NIPAL3: variants seen among roughly 807,000 people sequenced by gnomAD.
NIPAL3 encodes NIPA like domain containing 3, also known as NIPA-like protein 3.
A neutral mutation model predicts 47.2 loss-of-function variants in NIPAL3; 41 were observed. The ratio of observed to expected loss-of-function variants is 0.87; its 90% CI spans 0.68 to 1.13. The LOEUF (loss-of-function observed/expected upper bound fraction) is 1.13. Ranked by LOEUF, NIPAL3 falls within the 50% of genes most tolerant of loss-of-function variation. The probability of loss-of-function intolerance (pLI) is 0.00; values close to 1 mark genes in which losing one functional copy is unlikely to be tolerated. For missense variants in NIPAL3, 449 were observed against 530.1 expected (o/e 0.85, Z 1.50); for synonymous variants, 194 against 209.6 (o/e 0.93, Z 0.64).
intron 5 of NIPAL3, among the ~76,000 whole-genome samples, chr1:24,448,165 T>C (rs1448583427): frequency 6.6e-6 from 1 of 152,262 alleles, no homozygotes; most frequent in Non-Finnish European, 1.5e-5. Flanking sequence ...TAACATGGTA[T>C]CACATTTTCT....
intron 4 of NIPAL3, among the ~76,000 whole-genome samples, chr1:24,444,345 G>A (rs1645547427): frequency 6.6e-6 from 1 of 152,076 alleles, no homozygotes; most frequent in Non-Finnish European, 1.5e-5. Flanking sequence ...AAGAAGAGGA[G>A]ATGGAGGGAT....
chr1:24,439,788 G>T (rs1490655066), intron 2 of NIPAL3, among the ~76,000 whole-genome samples: 4 of 152,188 alleles, frequency 2.6e-5, no homozygotes, highest in Admixed American at 2.6e-4. Context: ...CTGGGAAATT[G>T]AAGACACTAT....
intron 2 of NIPAL3, among the ~76,000 whole-genome samples, chr1:24,438,264 G>A (rs7542174): frequency 0.28 from 41,891 of 152,110 alleles, 5,956 homozygotes; most frequent in East Asian, 0.45. Context: ...GGGTGAGTCA[G>A]AATCAGTTCC....
intron 7 of NIPAL3, among the ~76,000 whole-genome samples, chr1:24,455,796 C>T (rs115027442): frequency 0.01 from 1,563 of 152,346 alleles, 26 homozygotes; most frequent in African/African-American, 0.036. Flanking sequence ...TTGATCCACT[C>T]GGATCCTTTT....
chr1:24,464,132 G>A lies in NIPAL3; in HGVS notation c.1021+12G>A, dbSNP rs780333764. On this transcript the variant is annotated intron_variant, in intron 11 of 11. Transcript: ENST00000374399. Reference sequence around the variant, plus strand: ...GGATGCCATGCCAGGTAAGGTTAAAGCCCCGTGGGTCTAGCTGAACATCCA... The same window carrying A: ...GGATGCCATGCCAGGTAAGGTTAAAACCCCGTGGGTCTAGCTGAACATCCA... 1.2e-6 allele frequency: 2 copies of A among 1,606,948 alleles called. No individual in the cohort carries two copies. Among genetic ancestry groups the A allele is most frequent in the Non-Finnish European group, 1.7e-6 (2 of 1,174,268 alleles).
At chr1:24,468,846 A>G in intron 11 of NIPAL3, 140 bp from the exon 12 acceptor site, 1 of 764,446 alleles carries the variant, frequency 1.3e-6, no homozygotes, top group Non-Finnish European at 2.2e-6. Context: ...TCTCTTTTAA[A>G]TCTAAAGCAT....
chr1:24,452,708 CTTTA>C (rs1224592756), intron 6 of NIPAL3, among the ~76,000 whole-genome samples: 4 of 152,136 alleles, frequency 2.6e-5, no homozygotes, highest in Non-Finnish European at 4.4e-5. Context: ...TACTCATATT[CTTTA>C]TTTATGTATT....
intron 2 of NIPAL3, among the ~76,000 whole-genome samples, chr1:24,421,377 A>G (rs1046416996): frequency 2.6e-5 from 4 of 152,128 alleles, no homozygotes; most frequent in African/African-American, 9.7e-5. Context: ...AAAAAAGATC[A>G]GTGACTGCTA....
intron 2 of NIPAL3, among the ~76,000 whole-genome samples, chr1:24,437,194 G>A (rs1284753137): frequency 6.6e-6 from 1 of 152,126 alleles, no homozygotes; most frequent in Non-Finnish European, 1.5e-5. Flanking sequence ...GGAGTTTGCA[G>A]TGAGCCGAGA....
Position 24,416,376 on chromosome 1 carries a change from G to C in NIPAL3, c.-258+472G>C. 1.0e-6 allele frequency: 1 copy of C among 975,136 alleles called. No homozygotes were observed. The highest frequency in any genetic ancestry group is 1.2e-6 in the Non-Finnish European group (1 of 820,494). The allele number at this position is 975,136 out of a possible 1,614,324, so 60.4% of individuals were successfully genotyped here. A position where few individuals can be genotyped will look rare whatever the true frequency, so the allele number is the denominator to read the frequency against. On this transcript the variant is annotated intron_variant, in intron 1 of 11. Transcript: ENST00000374399. The surrounding 1 kb of genome is among the most constrained non-coding windows in gnomAD (Gnocchi z 4.8). ...GCCAAAGCCGAGGAACGGGAAGCTT[G>C]GCAGGGAACTGGCGCTCACCTCCAG...
Position 24,454,014 on chromosome 1 carries a change from C to T in NIPAL3, c.637+510C>T. The T allele has an allele frequency of 2.1e-6, 1 of 470,464 alleles. No homozygotes were observed. The highest frequency in any genetic ancestry group is 1.6e-5 in the South Asian group (1 of 64,426). The allele number at this position is 470,464 out of a possible 1,614,324, so 29.1% of individuals were successfully genotyped here. On this transcript the variant is annotated intron_variant, in intron 7 of 11. Transcript: ENST00000374399. This position sits in a 1 kb window ranked among gnomAD's most constrained non-coding sequence, Gnocchi z 4.1. The stretch of plus-strand genomic sequence containing the variant: ...CTCCTGAATCAGCTTGAGGCTAGAA[C>T]TGCATATTAATTTTTCCTTTTTTTT...
chr1:24,449,595 A>T lies in NIPAL3; in HGVS notation c.509A>T (p.His170Leu), dbSNP rs1188778672. The change falls in exon 6 of 12, where the codon CAC becomes CTC. Residue 170 changes from histidine to leucine, a missense_variant. Transcript: ENST00000374399. This position sits in a 1 kb window ranked among gnomAD's most constrained non-coding sequence, Gnocchi z 4.5. ...ATGACAGGCGAGAATGTCACCAGGC[A>T]CCTCGTGAGCTGGCCTTTCCTTTTG... ...EKMTGENVTR[H>L]LVSWPFLLYM... is the part of the protein sequence containing the mutation. 9 of 1,613,952 alleles carry T rather than the reference A, an allele frequency of 5.6e-6. No homozygotes were observed. In the East Asian group the frequency reaches 2.0e-4, roughly 36 times the overall value.
At chr1:24,417,623 A>G (rs1644121102) in intron 1 of NIPAL3, among the ~76,000 whole-genome samples, 1 of 152,356 alleles carries the variant, frequency 6.6e-6, no homozygotes, top group Admixed American at 6.5e-5. Context: ...TTGGATATAT[A>G]ACCTCGTCTG....
chr1:24,452,758 C>A (rs1174814343), intron 6 of NIPAL3, among the ~76,000 whole-genome samples: 2 of 152,014 alleles, frequency 1.3e-5, no homozygotes, highest in African/African-American at 2.4e-5. Flanking sequence ...CGCTCTGTCT[C>A]CCAGGATGGA....
chr1:24,463,315 TC>T (rs1646559789), intron 10 of NIPAL3, among the ~76,000 whole-genome samples: 1 of 152,164 alleles, frequency 6.6e-6, no homozygotes, highest in South Asian at 2.1e-4. Flanking sequence ...ACTAATTTCA[TC>T]CATGGTGAGA....
intron 11 of NIPAL3, 36 bp downstream of exon 11, chr1:24,464,156 C>A: frequency 6.6e-7 from 1 of 1,515,126 alleles, no homozygotes; most frequent in Admixed American, 1.7e-5. Context: ...GCTGAACATC[C>A]ATATAGAATG....
chr1:24,416,436 T>C lies in NIPAL3; in HGVS notation c.-258+532T>C. The C allele has an allele frequency of 1.5e-6, 1 of 688,202 alleles. No individual in the cohort carries two copies. Among genetic ancestry groups the C allele is most frequent in the Non-Finnish European group, 1.8e-6 (1 of 558,462 alleles). The allele number at this position is 688,202 out of a possible 1,614,324, so 42.6% of individuals were successfully genotyped here. A position where few individuals can be genotyped will look rare whatever the true frequency, so the allele number is the denominator to read the frequency against. On this transcript the variant is annotated intron_variant, in intron 1 of 11. Transcript: ENST00000374399. This position sits in a 1 kb window ranked among gnomAD's most constrained non-coding sequence, Gnocchi z 4.8. Reference sequence around the variant, plus strand: ...CGTCGGGTGGTGGGAAAGAGCGTGTTTTATTGATTTGTTCAGAAAGAGGCA... The same window carrying C: ...CGTCGGGTGGTGGGAAAGAGCGTGTCTTATTGATTTGTTCAGAAAGAGGCA...
intron 2 of NIPAL3, 106 bp downstream of exon 2, chr1:24,419,746 T>C: frequency 1.0e-6 from 1 of 970,230 alleles, no homozygotes; most frequent in Non-Finnish European, 1.6e-6. Context: ...TGCCTGTCAC[T>C]GGTAGAAACA....
chr1:24,420,514 A>C (rs1557481562), intron 2 of NIPAL3, among the ~76,000 whole-genome samples: 1 of 151,982 alleles, frequency 6.6e-6, no homozygotes, highest in African/African-American at 2.4e-5. Context: ...CCAAAAAAAA[A>C]GTATATATAT....
Sources: gnomAD v4.1 joint callset for allele counts (sites outside exome capture counted in the v4.1 genomes callset) on GRCh38, gnomAD v4.1.1 for gene constraint, Gnocchi (gnomAD v3.1) non-coding constraint, MANE v1.5 for transcripts, NCBI Gene and HGNC (gene_info 2026-07-23, HGNC 2026-07-21) for gene names.